Variants in BMPR1A observed in about 807,000 individuals in gnomAD.
The protein encoded by BMPR1A is bone morphogenetic protein receptor type 1A.
In BMPR1A, 7 loss-of-function variants were observed where a neutral mutation model predicts 66.0. The observed-to-expected ratio is 0.11, with a 90% CI of 0.06 to 0.20. The LOEUF (loss-of-function observed/expected upper bound fraction) is 0.20, where lower values mean the gene tolerates loss of function less well. Ranked by LOEUF, BMPR1A falls within the 10% of genes least tolerant of loss-of-function variation. The pLI is 1.00. For synonymous variants in BMPR1A, 200 were observed against 229.7 expected, an observed-to-expected ratio of 0.87 and a Z score of 1.17; for missense variants, 408 against 669.1, an observed-to-expected ratio of 0.61 and a Z score of 4.31.
chr10:86,795,936 G>A (rs1285077835), intron 1 of BMPR1A, among the ~76,000 whole-genome samples: 2 of 151,732 alleles, frequency 1.3e-5, no homozygotes, highest in Non-Finnish European at 2.9e-5. Context: ...ATATTTTGAG[G>A]GGAAAAAAAT....
At chr10:86,777,617 C>A (rs1372486391) in intron 1 of BMPR1A, among the ~76,000 whole-genome samples, 1 of 151,950 alleles carries the variant, frequency 6.6e-6, no homozygotes, top group Non-Finnish European at 1.5e-5. Flanking sequence ...ACCCTCTTAA[C>A]AATTATTAAG....
At chr10:86,778,129 T>A (rs1841382001) in intron 1 of BMPR1A, among the ~76,000 whole-genome samples, 1 of 152,148 alleles carries the variant, frequency 6.6e-6, no homozygotes, top group Non-Finnish European at 1.5e-5. Flanking sequence ...CATGACAGGC[T>A]TGTCCAACTC....
intron 2 of BMPR1A, among the ~76,000 whole-genome samples, chr10:86,860,035 A>C (rs1842692788): frequency 6.6e-6 from 1 of 151,990 alleles, no homozygotes; most frequent in African/African-American, 2.4e-5. Context: ...ATGGTTGTGC[A>C]CTGTGGCATG....
intron 2 of BMPR1A, among the ~76,000 whole-genome samples, chr10:86,851,662 G>C (rs1842569714): frequency 6.6e-6 from 1 of 152,178 alleles, no homozygotes; most frequent in South Asian, 2.1e-4. Flanking sequence ...GTCCTGAAGA[G>C]AACATTGTAG....
At position 86,842,230 on chromosome 10, in the gene BMPR1A, C is replaced by T. The variant is rs374088137; in HGVS notation, c.-153+3251C>T. On this transcript the variant is annotated intron_variant, in intron 2 of 12. Coordinates refer to ENST00000372037, the MANE Select transcript of BMPR1A (RefSeq NM_004329.3). ...TTTAATTGGAGGTTCCAGCTGGTGT[C>T]TGATGCAGAATTGTCTGCTTGCTTG... is the stretch of plus-strand genomic sequence containing the variant. 6.6e-5 allele frequency among the ~76,000 whole-genome samples: 10 copies of T among 152,238 alleles called. No individual in the cohort carries two copies. In the East Asian group the frequency reaches 1.4e-3, roughly 21 times the overall value.
chr10:86,767,610 C>T (rs1841187994), intron 1 of BMPR1A, among the ~76,000 whole-genome samples: 1 of 152,032 alleles, frequency 6.6e-6, no homozygotes, highest in African/African-American at 2.4e-5. Context: ...CCCAGGAGTT[C>T]GAGACTGCAG....
Position 86,875,928 on chromosome 10 carries a change from A to C in BMPR1A, c.-91A>C. 1 of 1,120,986 alleles carries C rather than the reference A, an allele frequency of 8.9e-7. No homozygotes were observed. The highest frequency in any genetic ancestry group is 1.4e-6 in the Non-Finnish European group (1 of 737,030). 69.4% of individuals were successfully genotyped at this position (1,120,986 alleles called of 1,614,324 possible). Reference sequence around the variant, plus strand: ...CAAGTGCTTGCGATCTTTTACAAGAAAATCTCACTGAATGATAGTCATTTA... The same window carrying C: ...CAAGTGCTTGCGATCTTTTACAAGACAATCTCACTGAATGATAGTCATTTA... On this transcript the variant is annotated 5_prime_UTR_variant, in exon 3 of 13. Coordinates refer to ENST00000372037, the MANE Select transcript of BMPR1A (RefSeq NM_004329.3).
intron 1 of BMPR1A, among the ~76,000 whole-genome samples, chr10:86,831,768 A>T (rs1842270775): frequency 6.6e-6 from 1 of 151,940 alleles, no homozygotes; most frequent in African/African-American, 2.4e-5. Context: ...TGTCTCAAAT[A>T]AAAAAATAGT....
intron 2 of BMPR1A, chr10:86,843,383 A>G (rs1842448661): frequency 6.6e-6 from 1 of 152,152 alleles, no homozygotes; most frequent in African/African-American, 2.4e-5. Context: ...AAAGCCCCCA[A>G]AGCACTTATT....
At chr10:86,821,689 C>T (rs548601737) in intron 1 of BMPR1A, among the ~76,000 whole-genome samples, 1 of 152,138 alleles carries the variant, frequency 6.6e-6, no homozygotes, top group Non-Finnish European at 1.5e-5. Context: ...ACAATATGAT[C>T]ATGTTGTTAC....
At chr10:86,795,582 C>G (rs1310579834) in intron 1 of BMPR1A, among the ~76,000 whole-genome samples, 1 of 152,064 alleles carries the variant, frequency 6.6e-6, no homozygotes, top group South Asian at 2.1e-4. Context: ...CCACTGCACA[C>G]GTTCAGAGAA....
Position 86,865,474 on chromosome 10 carries a change from C to T in BMPR1A, c.-152-10393C>T, listed in dbSNP as rs1589752486. ...CTTTATCTACCCAAATCCTATAAAA[C>T]GGCCCCACCCTCATCTCCCTTCGCT... On this transcript the variant is annotated intron_variant, in intron 2 of 12. Coordinates refer to ENST00000372037, the MANE Select transcript of BMPR1A (RefSeq NM_004329.3). 2.6e-5 allele frequency among the ~76,000 whole-genome samples: 4 copies of T among 152,112 alleles called. No homozygotes were observed. In the South Asian group the frequency reaches 6.2e-4, roughly 24 times the overall value.
At chr10:86,888,050 C>T (rs537047394) in intron 3 of BMPR1A, among the ~76,000 whole-genome samples, 66 of 152,012 alleles carry the variant, frequency 4.3e-4, no homozygotes, top group African/African-American at 1.4e-3. Flanking sequence ...TCAGATCCAA[C>T]GGAAGCCTTG....
At chr10:86,825,986 A>G (rs531536724) in intron 1 of BMPR1A, among the ~76,000 whole-genome samples, 1 of 152,336 alleles carries the variant, frequency 6.6e-6, no homozygotes, top group Non-Finnish European at 1.5e-5. Context: ...AAAAATTTAT[A>G]AATCGATAGA....
At chr10:86,873,020 T>G (rs1486053000) in intron 2 of BMPR1A, among the ~76,000 whole-genome samples, 1 of 152,186 alleles carries the variant, frequency 6.6e-6, no homozygotes, top group Non-Finnish European at 1.5e-5. Context: ...TGGATGTTTT[T>G]GCGGAAGGAA....
At chr10:86,773,387 G>C (rs879667706) in intron 1 of BMPR1A, among the ~76,000 whole-genome samples, 7 of 151,996 alleles carry the variant, frequency 4.6e-5, no homozygotes, top group Admixed American at 2.6e-4. Context: ...TCAGGAGTTT[G>C]AGACTAGCCT....
chr10:86,783,841 G>A (rs1564682950), intron 1 of BMPR1A, among the ~76,000 whole-genome samples: 1 of 152,324 alleles, frequency 6.6e-6, no homozygotes, highest in South Asian at 2.1e-4. Context: ...GAGCCACTGT[G>A]CTGGCCTTAT....
intron 3 of BMPR1A, among the ~76,000 whole-genome samples, chr10:86,888,913 C>T (rs11593446): frequency 0.15 from 22,220 of 151,222 alleles, 2,607 homozygotes; most frequent in East Asian, 0.67. Context: ...TTTCTGTTAC[C>T]TGTGTGTGCA....
rs79821517 is a variant in BMPR1A, at chr10:86,758,125, C to A, written c.-268+1206C>A. Among the ~76,000 whole-genome samples the A allele has an allele frequency of 5.6e-4, 85 of 152,282 alleles. No individual in the cohort carries two copies. In the East Asian group the frequency reaches 0.01, roughly 19 times the overall value. On this transcript the variant is annotated intron_variant, in intron 1 of 12. Transcript: ENST00000372037. Reference sequence around the variant, plus strand: ...ATTTGAAGCTAAAATATGGGCAATTCTCTGATCTAGGAATGGGGTGAGTGT... The same window carrying A: ...ATTTGAAGCTAAAATATGGGCAATTATCTGATCTAGGAATGGGGTGAGTGT...
Sources: gnomAD v4.1 joint callset for allele counts (sites outside exome capture counted in the v4.1 genomes callset) on GRCh38, gnomAD v4.1.1 for gene constraint, MANE v1.5 for transcripts, NCBI Gene and HGNC (gene_info 2026-07-23, HGNC 2026-07-21) for gene names.